The following AGBL1 variants were observed in gnomAD, a reference collection of about 807,000 sequenced individuals.
The protein encoded by AGBL1 is AGBL carboxypeptidase 1, also known as cytosolic carboxypeptidase 4.
AGBL1 carries 130 observed loss-of-function variants against 118.9 expected under a neutral mutation model. The ratio of observed to expected loss-of-function variants is 1.09; its 90% CI spans 0.95 to 1.26. The LOEUF is 1.26. AGBL1 is among the 50% of genes most tolerant of loss of function. The pLI is 0.00. For synonymous variants in AGBL1, 555 were observed against 478.9 expected, an observed-to-expected ratio of 1.16 and a Z score of -2.08; for missense variants, 1,584 against 1,298.1, an observed-to-expected ratio of 1.22 and a Z score of -3.38.
chr15:86,790,872 G>A (rs2078484041), intron 22 of AGBL1, among the ~76,000 whole-genome samples: 1 of 151,978 alleles, frequency 6.6e-6, no homozygotes, highest in South Asian at 2.1e-4. Context: ...AGAAGCAGTT[G>A]CATGAAAGAA....
chr15:87,015,562 G>A (rs1213857519), intron 24 of AGBL1, among the ~76,000 whole-genome samples: 1 of 152,122 alleles, frequency 6.6e-6, no homozygotes, highest in African/African-American at 2.4e-5. Flanking sequence ...TGCCTTCTGT[G>A]CTAGGAGTTA....
intron 1 of AGBL1, among the ~76,000 whole-genome samples, chr15:86,138,111 A>C (rs970324877): frequency 1.3e-5 from 2 of 152,090 alleles, no homozygotes; most frequent in African/African-American, 4.8e-5. Context: ...TATGAATAAG[A>C]CCTAGTTCTT....
chr15:86,889,265 T>C (rs1053054484), intron 22 of AGBL1, among the ~76,000 whole-genome samples: 1 of 148,248 alleles, frequency 6.7e-6, no homozygotes, highest in Non-Finnish European at 1.5e-5. Context: ...CCGCTTACTA[T>C]AGAAAGTTTG....
At chr15:86,308,132 T>C (rs2079868349) in intron 17 of AGBL1, among the ~76,000 whole-genome samples, 1 of 152,238 alleles carries the variant, frequency 6.6e-6, no homozygotes, top group African/African-American at 2.4e-5. Flanking sequence ...AAGATTAAAC[T>C]ATGTTAACAT....
chr15:86,601,484 T>C (rs2084492324), intron 21 of AGBL1, among the ~76,000 whole-genome samples: 1 of 152,218 alleles, frequency 6.6e-6, no homozygotes, highest in South Asian at 2.1e-4. Context: ...TAAGCTTTGA[T>C]CAAGCTTCTG....
intron 22 of AGBL1, among the ~76,000 whole-genome samples, chr15:86,898,291 G>A (rs999115818): frequency 2.6e-5 from 4 of 152,098 alleles, no homozygotes; most frequent in African/African-American, 9.7e-5. Flanking sequence ...CTGTGTCCAG[G>A]ATGGTATTAT....
chr15:86,815,866 G>A (rs780351580), intron 22 of AGBL1, among the ~76,000 whole-genome samples: 1 of 152,132 alleles, frequency 6.6e-6, no homozygotes, highest in Non-Finnish European at 1.5e-5. Context: ...AAAATAAACA[G>A]AACATTTATA....
In AGBL1 at chr15:86,873,361, TTAATAA is replaced by T. The variant is rs201518758; in HGVS notation, c.3159-33724_3159-33719del. 3.5e-3 allele frequency among the ~76,000 whole-genome samples: 532 copies of T among 152,286 alleles called. 3 individuals carry two copies. The highest frequency in any genetic ancestry group is 0.02 in the Middle Eastern group (6 of 294). The stretch of plus-strand genomic sequence containing the variant: ...AGATACCATTGAATGCCATAAGATA[TTAATAA>T]TGAGAATAAAAATTTTAAGAATCGA... On this transcript the variant is annotated intron_variant, in intron 22 of 22. Transcript: ENST00000614907.
intron 5 of AGBL1, among the ~76,000 whole-genome samples, chr15:86,165,025 G>A (rs1405221884): frequency 6.6e-6 from 1 of 152,196 alleles, no homozygotes; most frequent in African/African-American, 2.4e-5. Context: ...GTCATGCTAT[G>A]ATTTATCTCT....
At chr15:86,963,827 T>C (rs1488841670) in intron 23 of AGBL1, among the ~76,000 whole-genome samples, 1 of 151,968 alleles carries the variant, frequency 6.6e-6, no homozygotes, top group Non-Finnish European at 1.5e-5. Flanking sequence ...TGGACGAGTG[T>C]CTGATTTTTC....
rs148259426 is a variant in AGBL1, at chr15:86,928,750, C to T, written c.3222-59237C>T. On this transcript the variant is annotated intron_variant, in intron 23 of 24. Coordinates refer to the AGBL1 transcript ENST00000441037. ...AACTACAATGTTTCTGGCAATAAAG[C>T]ATTTCATTTGAATGAATGAAAGTAA... 3.5e-4 allele frequency among the ~76,000 whole-genome samples: 54 copies of T among 152,316 alleles called. 1 individual carries two copies. The East Asian group carries it at 9.6e-3, about 27-fold the overall frequency.
At chr15:86,945,314 A>T (rs1268978071) in intron 23 of AGBL1, among the ~76,000 whole-genome samples, 1 of 151,962 alleles carries the variant, frequency 6.6e-6, no homozygotes, top group African/African-American at 2.4e-5. Flanking sequence ...CACGATATGT[A>T]AAGATAGAGA....
intron 17 of AGBL1, among the ~76,000 whole-genome samples, chr15:86,357,298 T>G (rs2080736597): frequency 6.6e-6 from 1 of 152,194 alleles, no homozygotes; most frequent in Admixed American, 6.5e-5. Flanking sequence ...TTAGCTAATT[T>G]GTGTGATAAT....
At chr15:87,031,229 A>AATTT (rs1180858347), downstream of AGBL1, among the ~76,000 whole-genome samples, 1 of 151,838 alleles carries the variant, frequency 6.6e-6, no homozygotes, top group Non-Finnish European at 1.5e-5. Flanking sequence ...TTTTTTCCTT[A>AATTT]ATTTTTTTAA....
At chr15:86,173,605 G>A (rs1478292046) in intron 5 of AGBL1, among the ~76,000 whole-genome samples, 4 of 152,014 alleles carry the variant, frequency 2.6e-5, no homozygotes, top group South Asian at 2.1e-4. Flanking sequence ...AATCCATTCT[G>A]TGTTGATTTT....
intron 24 of AGBL1, among the ~76,000 whole-genome samples, chr15:86,999,422 C>T (rs1596723997): frequency 6.8e-6 from 1 of 147,238 alleles, no homozygotes; most frequent in South Asian, 2.2e-4. Context: ...CTTCCTGTGT[C>T]CATGTGATCT....
At chr15:87,001,526 C>G (rs1267391143) in intron 24 of AGBL1, among the ~76,000 whole-genome samples, 1 of 151,996 alleles carries the variant, frequency 6.6e-6, no homozygotes. Flanking sequence ...AATGGTATTT[C>G]TAGTTCTAGA....
At chr15:86,675,501 G>A (rs1277399833) in intron 22 of AGBL1, among the ~76,000 whole-genome samples, 2 of 152,088 alleles carry the variant, frequency 1.3e-5, no homozygotes, top group Non-Finnish European at 2.9e-5. Context: ...ATAGATCATA[G>A]ACTATAGAAA....
chr15:86,679,284 A>C (rs1011545320), intron 22 of AGBL1, among the ~76,000 whole-genome samples: 14 of 152,044 alleles, frequency 9.2e-5, no homozygotes, highest in Non-Finnish European at 1.8e-4. Flanking sequence ...TATCCTTTTT[A>C]TGTAGTTCCT....
Sources: allele counts gnomAD v4.1 joint callset (sites outside exome capture counted in the v4.1 genomes callset), GRCh38; gene constraint gnomAD v4.1.1; transcripts MANE v1.5; gene names NCBI Gene and HGNC (gene_info 2026-07-23, HGNC 2026-07-21).